SSBP3: variants seen among roughly 807,000 people sequenced by gnomAD.
SSBP3 encodes the protein single-stranded DNA-binding protein 3.
SSBP3 carries 5 observed loss-of-function variants against 69.6 expected under a neutral mutation model. The observed-to-expected ratio is 0.07, with a 90% CI of 0.04 to 0.15. SSBP3 has a LOEUF of 0.15. Ranked by LOEUF, SSBP3 falls within the 10% of genes least tolerant of loss-of-function variation. The probability of loss-of-function intolerance (pLI) is 1.00; values close to 1 mark genes in which losing one functional copy is unlikely to be tolerated. For synonymous variants in SSBP3, 196 were observed against 193.4 expected, an observed-to-expected ratio of 1.01 and a Z score of -0.11; for missense variants, 312 against 534.0, an observed-to-expected ratio of 0.58 and a Z score of 4.10.
At position 54,330,048 on chromosome 1, in the gene SSBP3, C is replaced by A. The variant is rs558036703; in HGVS notation, c.277-48521G>T. On this transcript the variant is annotated intron_variant, in intron 4 of 17. Transcript: ENST00000610401. ...TAGCACTGCCTGGTTATAAAAGTAT[C>A]CTGGTTGGGATATTATATGGTCCCC... Among the ~76,000 whole-genome samples, 3 of 152,254 alleles carry A rather than the reference C, an allele frequency of 2.0e-5. No homozygotes were observed. The South Asian group carries it at 6.2e-4, about 32-fold the overall frequency.
chr1:54,267,895 CTCTT>C (rs1431016472), intron 5 of SSBP3, among the ~76,000 whole-genome samples: 1 of 152,150 alleles, frequency 6.6e-6, no homozygotes, highest in Non-Finnish European at 1.5e-5. Context: ...ACAGCCAGCT[CTCTT>C]TATTAAAAAA....
intron 4 of SSBP3, among the ~76,000 whole-genome samples, chr1:54,359,208 CAAAAAAA>C (rs56901465): frequency 1.3e-5 from 1 of 75,448 alleles, no homozygotes; most frequent in Non-Finnish European, 2.7e-5. Context: ...ACCCTCCCCT[CAAAAAAA>C]AAAAAAAAAA....
chr1:54,335,640 C>A (rs1313692839), intron 4 of SSBP3, among the ~76,000 whole-genome samples: 2 of 152,106 alleles, frequency 1.3e-5, no homozygotes, highest in Admixed American at 1.3e-4. Flanking sequence ...CCAAACACAT[C>A]GATTCAAGGA....
chr1:54,286,827 G>T (rs773468790), intron 4 of SSBP3: 12 of 152,200 alleles, frequency 7.9e-5, no homozygotes, highest in Admixed American at 5.9e-4. Flanking sequence ...CGGAGCGGGG[G>T]GACATCTACT....
At chr1:54,396,958 G>A (rs1648933543) in intron 4 of SSBP3, among the ~76,000 whole-genome samples, 2 of 152,234 alleles carry the variant, frequency 1.3e-5, no homozygotes, top group African/African-American at 4.8e-5. Flanking sequence ...AGCTACCGAT[G>A]GAGGAGTCTG....
Position 54,328,469 on chromosome 1 carries a change from T to C in SSBP3, c.277-46942A>G, listed in dbSNP as rs983713887. ...CTCTCTGGGCCTCCAGGTCCTTGTC[T>C]ACATACTTGCAGAGGCTAGCCCAGG... On this transcript the variant is annotated intron_variant, in intron 4 of 17. Transcript: ENST00000610401. 2.0e-5 allele frequency among the ~76,000 whole-genome samples: 3 copies of C among 152,322 alleles called. No individual in the cohort carries two copies. In the East Asian group the frequency reaches 5.8e-4, roughly 29 times the overall value.
At chr1:54,389,104 G>C (rs12144875) in intron 4 of SSBP3, among the ~76,000 whole-genome samples, 2 of 152,200 alleles carry the variant, frequency 1.3e-5, no homozygotes, top group East Asian at 3.8e-4. Flanking sequence ...CTGTTGACTA[G>C]AATTCTGTTC....
chr1:54,357,449 A>G (rs1041519459), intron 4 of SSBP3, among the ~76,000 whole-genome samples: 9 of 152,144 alleles, frequency 5.9e-5, no homozygotes, highest in Admixed American at 2.0e-4. Flanking sequence ...AGGGTGTACC[A>G]TAAGGGTGCT....
chr1:54,225,582 A>G, exon 18 of SSBP3: 1 of 508,080 alleles, frequency 2.0e-6, no homozygotes, highest in Non-Finnish European at 3.0e-6. Context: ...TGTTCCCAAT[A>G]ATCCGCACAA....
At chr1:54,376,173 C>T (rs1021899912) in intron 4 of SSBP3, among the ~76,000 whole-genome samples, 2 of 151,508 alleles carry the variant, frequency 1.3e-5, no homozygotes, top group South Asian at 2.1e-4. Context: ...CCTGTTCACT[C>T]GTGTGCGTGC....
At chr1:54,289,030 A>C (rs1380129194) in intron 4 of SSBP3, among the ~76,000 whole-genome samples, 1 of 70,374 alleles carries the variant, frequency 1.4e-5, no homozygotes, top group African/African-American at 7.7e-5. Context: ...CAAAAAAAAA[A>C]AAAAAACAAA....
At chr1:54,240,089 C>CGCGCGCGCGTGTGTGT (rs1644592173) in intron 13 of SSBP3, among the ~76,000 whole-genome samples, 2 of 42,014 alleles carry the variant, frequency 4.8e-5, no homozygotes, top group Admixed American at 5.5e-4. Context: ...TGTGTGTGTG[C>CGCGCGCGCGTGTGTGT]GCGCGCGCGC....
chr1:54,256,116 A>C (rs1316489905), intron 7 of SSBP3, among the ~76,000 whole-genome samples: 1 of 151,890 alleles, frequency 6.6e-6, no homozygotes, highest in Non-Finnish European at 1.5e-5. Flanking sequence ...GGTAATGAGC[A>C]TCTCTCCATA....
At chr1:54,387,556 C>A (rs1211960998) in intron 4 of SSBP3, among the ~76,000 whole-genome samples, 1 of 152,212 alleles carries the variant, frequency 6.6e-6, no homozygotes, top group Non-Finnish European at 1.5e-5. Flanking sequence ...ACGTCTGTTT[C>A]TATTTGAAAC....
intron 4 of SSBP3, among the ~76,000 whole-genome samples, chr1:54,334,556 C>T (rs1271094566): frequency 6.6e-6 from 1 of 152,150 alleles, no homozygotes; most frequent in Non-Finnish European, 1.5e-5. Flanking sequence ...CCGCCACTTT[C>T]TTGCAGTTTA....
At chr1:54,395,102 G>A (rs1202714681) in intron 4 of SSBP3, among the ~76,000 whole-genome samples, 2 of 151,578 alleles carry the variant, frequency 1.3e-5, no homozygotes, top group Non-Finnish European at 2.9e-5. Context: ...AAAAAATCAG[G>A]CACAGTCTGA....
chr1:54,290,124 G>A (rs891070543), intron 4 of SSBP3, among the ~76,000 whole-genome samples: 1 of 152,196 alleles, frequency 6.6e-6, no homozygotes, highest in African/African-American at 2.4e-5. Flanking sequence ...CCACACCTCA[G>A]CTTCTCTGAT....
exon 1 of SSBP3, chr1:54,406,019 GA>G: frequency 6.8e-7 from 1 of 1,470,324 alleles, no homozygotes; most frequent in Non-Finnish European, 9.0e-7. Context: ...GGTTTGCAGG[GA>G]AGAGGGCGCC....
chr1:54,324,620 G>T (rs1288585078), intron 4 of SSBP3, among the ~76,000 whole-genome samples: 1 of 151,876 alleles, frequency 6.6e-6, no homozygotes, highest in Non-Finnish European at 1.5e-5. Context: ...CTGATTTACA[G>T]AATTTACCAA....
Sources: allele counts gnomAD v4.1 joint callset (sites outside exome capture counted in the v4.1 genomes callset), GRCh38; gene constraint gnomAD v4.1.1; transcripts MANE v1.5; gene names NCBI Gene and HGNC (gene_info 2026-07-23, HGNC 2026-07-21).